The following APOC1 variants were observed in gnomAD, a reference collection of about 807,000 sequenced individuals.
The protein encoded by APOC1 is apolipoprotein C1.
APOC1 carries 4 observed loss-of-function variants against 6.7 expected under a neutral mutation model. The ratio of observed to expected loss-of-function variants is 0.60; its 90% confidence interval spans 0.29 to 1.37. The LOEUF is 1.37. APOC1 is among the 40% of genes most tolerant of loss of function. The pLI is 0.09. For synonymous variants in APOC1, 33 were observed against 40.6 expected (o/e 0.81, Z 0.72); for missense variants, 122 against 99.4 (o/e 1.23, Z -0.97).
intron 3 of APOC1, among the ~76,000 whole-genome samples, chr19:44,918,324 G>A (rs929087910): frequency 3.4e-5 from 5 of 148,354 alleles, no homozygotes; most frequent in Admixed American, 6.7e-5. Flanking sequence ...AGCCAGGCCA[G>A]GGTGAAGTGT....
chr19:44,916,212 C>T lies in APOC1; in HGVS notation c.81C>T (p.Thr27=), dbSNP rs750591293. The change falls in exon 3 of 4, where the codon ACC becomes ACT. Residue 27 remains threonine (T), a synonymous_variant. Transcript: ENST00000592535. Reference sequence around the variant, plus strand: ...CAGGCCCAGCCCCAGCCCAGGGGACCCCAGACGTCTCCAGTGCCTTGGATA... The same window carrying T: ...CAGGCCCAGCCCCAGCCCAGGGGACTCCAGACGTCTCCAGTGCCTTGGATA... The part of the protein sequence containing the change: ...VLEGPAPAQG[T]PDVSSALDKL... The T allele has an allele frequency of 8.7e-6, 14 of 1,612,052 alleles. No homozygotes were observed. In the East Asian group the frequency reaches 2.9e-4, roughly 33 times the overall value.
Position 44,919,134 on chromosome 19 carries a change from G to A in APOC1, c.195-39G>A. 3 of 1,576,942 alleles carry A rather than the reference G, an allele frequency of 1.9e-6. No homozygotes were observed. The South Asian group carries it at 3.3e-5, about 17-fold the overall frequency. ...CAGAATTTGGACAGCCTGGGAGGTA[G>A]CTGCACACAGTGACCCCCTTCCTTA... is the stretch of plus-strand genomic sequence containing the variant. On this transcript the variant is annotated intron_variant, in intron 3 of 3. Coordinates refer to ENST00000592535, the MANE Select transcript of APOC1 (RefSeq NM_001645.5).
Position 44,914,929 on chromosome 19 carries a change from T to C in APOC1, c.38T>C (p.Val13Ala). Residue 13 changes from valine (V) to alanine (A), a missense_variant, in exon 2 of 4, where the codon GTT becomes GCT. Transcript: ENST00000592535. Reference sequence around the variant, plus strand: ...CTGTCGCTCCCGGTCCTGGTGGTGGTTCTGTCGATCGTCTTGGAAGGTAAA... The same window carrying C: ...CTGTCGCTCCCGGTCCTGGTGGTGGCTCTGTCGATCGTCTTGGAAGGTAAA... ...LFLSLPVLVV[V>A]LSIVLEGPAP... 6.2e-7 allele frequency: 1 copy of C among 1,613,674 alleles called. No homozygotes were observed. The highest frequency in any genetic ancestry group is 8.5e-7 in the Non-Finnish European group (1 of 1,179,750).
chr19:44,916,292 G>C lies in APOC1; in HGVS notation c.161G>C (p.Arg54Pro), dbSNP rs369438021. ...GACAAGGCTCGGGAACTCATCAGCC[G>C]CATCAAACAGAGTGAACTTTCTGCC... ...LEDKARELIS[R>P]IKQSELSAKM... Residue 54 changes from arginine to proline, a missense_variant, in exon 3 of 4, where the codon CGC (arginine) becomes CCC (proline). By Grantham distance (103) the Arg-to-Pro change is moderately radical. Coordinates refer to ENST00000592535, the MANE Select transcript of APOC1 (RefSeq NM_001645.5). The C allele has an allele frequency of 1.2e-6, 2 of 1,613,778 alleles. No homozygotes were observed. Among genetic ancestry groups the C allele is most frequent in the Non-Finnish European group, 1.7e-6 (2 of 1,179,996 alleles).
chr19:44,916,773 T>C (rs1046353843), intron 3 of APOC1, among the ~76,000 whole-genome samples: 2 of 142,518 alleles, frequency 1.4e-5, no homozygotes, highest in Non-Finnish European at 3.0e-5. Context: ...TGAGCCAACA[T>C]TGTGCCAGCC....
upstream of APOC1, chr19:44,914,450 A>C (rs892689006): frequency 1.2e-5 from 2 of 169,566 alleles, no homozygotes; most frequent in African/African-American, 4.8e-5. Context: ...AAAGGGACTA[A>C]GGTGGTCTGA....
At chr19:44,914,558 G>A (rs1568621100), upstream of APOC1, 2 of 318,988 alleles carry the variant, frequency 6.3e-6, no homozygotes, top group Non-Finnish European at 1.2e-5. Context: ...TGACCCCAAC[G>A]CTCACGGGAC....
rs376127005 is a variant in APOC1 at position 44,916,137 on chromosome 19, CAA to C, written c.59-35_59-34del. On this transcript the variant is annotated intron_variant, in intron 2 of 3. Coordinates refer to ENST00000592535, the MANE Select transcript of APOC1 (RefSeq NM_001645.5). The stretch of plus-strand genomic sequence containing the variant: ...GGGCTACAGAGCAAGACTCCATCTC[CAA>C]AAAAAAAAAAAAAAAAACAAATTTT... 9.9e-3 allele frequency: 8,823 copies of C among 888,226 alleles called. 2 individuals are homozygous for C. The highest frequency in any genetic ancestry group is 0.033 in the Admixed American group (653 of 19,686). The allele number at this position is 888,226 out of a possible 1,614,324, so 55.0% of individuals were successfully genotyped here.
intron 2 of APOC1, 156 bp downstream of exon 2, chr19:44,915,105 C>G: frequency 1.3e-6 from 1 of 742,052 alleles, no homozygotes; most frequent in African/African-American, 1.7e-5. Flanking sequence ...CAGGTTCTCC[C>G]AGGCTCAGTC....
At chr19:44,914,822 G>A in intron 1 of APOC1, 50 bp from the exon 2 acceptor site, 1 of 1,479,486 alleles carries the variant, frequency 6.8e-7, no homozygotes, top group Non-Finnish European at 9.4e-7. Flanking sequence ...AGGGAGGTAG[G>A]GAGGGAGGAG....
At chr19:44,918,955 G>A in intron 3 of APOC1, 1 of 585,030 alleles carries the variant, frequency 1.7e-6, no homozygotes, top group Non-Finnish European at 3.0e-6. Context: ...CAAATGCCCA[G>A]CCAAGGGTAA....
chr19:44,918,337 CTTTTTTTTTTT>C (rs1200008263), intron 3 of APOC1, among the ~76,000 whole-genome samples: 20 of 90,332 alleles, frequency 2.2e-4, no homozygotes, highest in Non-Finnish European at 3.6e-4. Flanking sequence ...TGAAGTGTTT[CTTTTTTTTTTT>C]TTTTTTTTTT....
intron 2 of APOC1, among the ~76,000 whole-genome samples, chr19:44,915,657 C>A (rs2122156267): frequency 6.6e-6 from 1 of 151,368 alleles, no homozygotes; most frequent in Admixed American, 6.6e-5. Flanking sequence ...GGTATCCCAA[C>A]CTAAGGGGGT....
intron 2 of APOC1, 47 bp from the exon 3 acceptor site, chr19:44,916,143 A>AAAAAAAAC (rs1970000177): frequency 3.4e-6 from 5 of 1,482,490 alleles, no homozygotes; most frequent in African/African-American, 3.0e-5. Context: ...TCTCCAAAAA[A>AAAAAAAAC]AAAAAAAAAA....
chr19:44,916,282 CTCA>C lies in APOC1; in HGVS notation c.155_157del (p.Ile52del). 6.2e-7 allele frequency: 1 copy of C among 1,613,988 alleles called. No individual in the cohort carries two copies. The highest frequency in any genetic ancestry group is 8.5e-7 in the Non-Finnish European group (1 of 1,180,012). On this transcript the variant is annotated inframe_deletion, in exon 3 of 4. Transcript: ENST00000592535. ...CACACTGGAGGACAAGGCTCGGGAA[CTCA>C]TCAGCCGCATCAAACAGAGTGAACT...
At chr19:44,916,386 G>A in intron 3 of APOC1, 61 bp downstream of exon 3, 1 of 1,594,870 alleles carries the variant, frequency 6.3e-7, no homozygotes. Context: ...AGCCCTGGCA[G>A]ATGGTCCAAG....
At chr19:44,915,080 G>C (rs758281747) in intron 2 of APOC1, 131 bp downstream of exon 2, 1 of 920,078 alleles carries the variant, frequency 1.1e-6, no homozygotes, top group Non-Finnish European at 1.7e-6. Context: ...GCCTCATCGT[G>C]GTCGGGTGGG....
At chr19:44,915,499 A>G (rs1184871546) in intron 2 of APOC1, among the ~76,000 whole-genome samples, 4 of 150,046 alleles carry the variant, frequency 2.7e-5, no homozygotes, top group Admixed American at 2.0e-4. Flanking sequence ...TTCAGTAGAG[A>G]CAGGGTTTCA....
chr19:44,918,393 G>A (rs140480140), intron 3 of APOC1, among the ~76,000 whole-genome samples: 3,816 of 117,140 alleles, frequency 0.033, 52 homozygotes, highest in Middle Eastern at 0.066. Context: ...ACGGAGTCTC[G>A]CTCTGTCACC....
Sources: allele counts gnomAD v4.1 joint callset (sites outside exome capture counted in the v4.1 genomes callset), GRCh38; gene constraint gnomAD v4.1.1; transcripts MANE v1.5; gene names NCBI Gene and HGNC (gene_info 2026-07-23, HGNC 2026-07-21).